SORCS1: variants seen among roughly 807,000 people sequenced by gnomAD.
SORCS1 encodes sortilin related VPS10 domain containing receptor 1, also known as VPS10 domain-containing receptor SorCS1.
A neutral mutation model predicts 146.1 loss-of-function variants in SORCS1; 60 were observed. The observed-to-expected ratio is 0.41, with a 90% confidence interval of 0.33 to 0.51. SORCS1 has a LOEUF of 0.51. Ranked by LOEUF, SORCS1 falls within the 20% of genes least tolerant of loss-of-function variation. The pLI is 0.21. For synonymous variants in SORCS1, 637 were observed against 584.0 expected (o/e 1.09, Z -1.31); for missense variants, 1,352 against 1,487.6 (o/e 0.91, Z 1.50).
At chr10:106,641,913 C>T (rs1282558883) in intron 18 of SORCS1, among the ~76,000 whole-genome samples, 1 of 152,022 alleles carries the variant, frequency 6.6e-6, no homozygotes, top group Non-Finnish European at 1.5e-5. Flanking sequence ...TAACAGAGGT[C>T]CTAGTCAAAC....
intron 1 of SORCS1, among the ~76,000 whole-genome samples, chr10:107,108,362 G>A (rs190716467): frequency 2.0e-5 from 3 of 152,272 alleles, no homozygotes; most frequent in East Asian, 3.9e-4. Flanking sequence ...CTTGGCTTCT[G>A]GTGAAGCCTC....
At chr10:106,829,381 C>A (rs192918526) in intron 3 of SORCS1, among the ~76,000 whole-genome samples, 193 bp downstream of exon 3, 103 of 152,300 alleles carry the variant, frequency 6.8e-4, no homozygotes, top group East Asian at 5.8e-4. Flanking sequence ...ATCCCTCACC[C>A]TCTTACATTC....
intron 1 of SORCS1, among the ~76,000 whole-genome samples, chr10:106,974,530 C>T (rs1005852124): frequency 2.6e-5 from 4 of 152,126 alleles, no homozygotes; most frequent in Non-Finnish European, 5.9e-5. Context: ...GCAGGAGAAG[C>T]TTAACAAGAG....
intron 1 of SORCS1, among the ~76,000 whole-genome samples, chr10:106,968,189 G>A (rs1052140141): frequency 2.6e-5 from 4 of 152,022 alleles, no homozygotes; most frequent in African/African-American, 7.2e-5. Flanking sequence ...CAGCCTGGGC[G>A]ACAGCGAGAC....
At chr10:106,736,660 A>G (rs1235380351) in intron 5 of SORCS1, among the ~76,000 whole-genome samples, 2 of 126,204 alleles carry the variant, frequency 1.6e-5, no homozygotes, top group Non-Finnish European at 3.5e-5. Flanking sequence ...GTTTTTGAAT[A>G]GATCATCTTA....
chr10:106,587,609 C>G (rs953188800), intron 24 of SORCS1, among the ~76,000 whole-genome samples: 1 of 152,192 alleles, frequency 6.6e-6, no homozygotes, highest in Non-Finnish European at 1.5e-5. Flanking sequence ...GCAACTGAAG[C>G]CTGGAAATAT....
intron 7 of SORCS1, among the ~76,000 whole-genome samples, chr10:106,707,706 G>A (rs1854633489): frequency 6.6e-6 from 1 of 152,098 alleles, no homozygotes; most frequent in Admixed American, 6.5e-5. Context: ...GGGTGTGAGA[G>A]AGGGCAGGAA....
chr10:107,059,660 A>G (rs1370720957), intron 1 of SORCS1, among the ~76,000 whole-genome samples: 3 of 152,180 alleles, frequency 2.0e-5, no homozygotes, highest in African/African-American at 4.8e-5. Context: ...GATTCTGTAT[A>G]CAGGATGGGC....
intron 6 of SORCS1, among the ~76,000 whole-genome samples, chr10:106,714,339 G>C (rs568323326): frequency 2.0e-5 from 3 of 151,930 alleles, no homozygotes; most frequent in African/African-American, 7.2e-5. Flanking sequence ...GGAACATTTA[G>C]AGTTTGCTAT....
intron 3 of SORCS1, among the ~76,000 whole-genome samples, chr10:106,786,373 T>A (rs1180164419): frequency 4.6e-5 from 7 of 152,154 alleles, no homozygotes; most frequent in Admixed American, 4.6e-4. Context: ...GACCTCTCCC[T>A]TTCTCTCTGC....
At chr10:107,047,268 C>A (rs183642508) in intron 1 of SORCS1, among the ~76,000 whole-genome samples, 1 of 152,162 alleles carries the variant, frequency 6.6e-6, no homozygotes, top group Admixed American at 6.5e-5. Flanking sequence ...GGATTACAGG[C>A]ATGAGCCACC....
intron 3 of SORCS1, among the ~76,000 whole-genome samples, chr10:106,790,455 G>T (rs567957179): frequency 2.6e-5 from 4 of 152,198 alleles, no homozygotes; most frequent in Admixed American, 2.0e-4. Context: ...AAATGTAATC[G>T]TGTGTAAGAA....
the SORCS1 span, among the ~76,000 whole-genome samples, chr10:107,173,211 G>C: frequency 6.6e-6 from 1 of 152,278 alleles, no homozygotes; most frequent in Admixed American, 6.5e-5. Flanking sequence ...TTGTACTCTT[G>C]TGTCTAGCAG....
intron 15 of SORCS1, 138 bp from the exon 16 acceptor site, chr10:106,671,505 T>C: frequency 7.9e-7 from 1 of 1,269,806 alleles, no homozygotes; most frequent in Non-Finnish European, 1.1e-6. Flanking sequence ...CTAACAACAT[T>C]TTCCTTTTGC....
chr10:106,826,192 G>C (rs756025886), intron 3 of SORCS1, among the ~76,000 whole-genome samples: 39 of 152,238 alleles, frequency 2.6e-4, no homozygotes, highest in Non-Finnish European at 4.7e-4. Flanking sequence ...GCTAAAAATA[G>C]CTATAAGAAT....
At chr10:106,805,481 GA>G (rs1384999000) in intron 3 of SORCS1, among the ~76,000 whole-genome samples, 1 of 152,164 alleles carries the variant, frequency 6.6e-6, no homozygotes, top group African/African-American at 2.4e-5. Flanking sequence ...ATGTTAAGTA[GA>G]AAGGACCTCA....
rs373178014 is a variant in SORCS1, at chr10:107,083,874, C to G, written c.558+80095G>C. 2.6e-5 allele frequency among the ~76,000 whole-genome samples: 4 copies of G among 152,014 alleles called. No individual in the cohort carries two copies. In the South Asian group the frequency reaches 8.3e-4, roughly 32 times the overall value. ...TATACGAAGGGTTTGAACATGACAC[C>G]AAGGCTTTAGCATGGCCCTCTCAAC... On this transcript the variant is annotated intron_variant, in intron 1 of 25. Transcript: ENST00000263054.
At chr10:106,598,830 T>C (rs1027537811) in intron 23 of SORCS1, among the ~76,000 whole-genome samples, 7 of 152,102 alleles carry the variant, frequency 4.6e-5, no homozygotes, top group African/African-American at 7.2e-5. Flanking sequence ...AAGCCCCTGA[T>C]TGGTGACAGA....
chr10:106,753,034 G>A (rs2136198028), intron 5 of SORCS1, among the ~76,000 whole-genome samples: 1 of 151,864 alleles, frequency 6.6e-6, no homozygotes, highest in East Asian at 1.9e-4. Flanking sequence ...ACAGTGACCT[G>A]CTTCATAGCT....
Sources: allele counts gnomAD v4.1 joint callset (sites outside exome capture counted in the v4.1 genomes callset), GRCh38; gene constraint gnomAD v4.1.1; transcripts MANE v1.5; gene names NCBI Gene and HGNC (gene_info 2026-07-23, HGNC 2026-07-21).